The following HMGB1 variants were observed in gnomAD, a reference collection of about 807,000 sequenced individuals.
HMGB1 encodes the protein high mobility group protein B1.
For synonymous variants in HMGB1, 81 were observed against 84.0 expected, an observed-to-expected ratio of 0.96 and a Z score of 0.19; for missense variants, 79 against 253.5, an observed-to-expected ratio of 0.31 and a Z score of 4.67.
At chr13:30,489,472 T>G (rs1887435457) in intron 1 of HMGB1, among the ~76,000 whole-genome samples, 1 of 152,236 alleles carries the variant, frequency 6.6e-6, no homozygotes, top group South Asian at 2.1e-4. Context: ...AAATACAGCA[T>G]GTGTAAGTGG....
chr13:30,573,431 A>G (rs1452423647), intron 1 of HMGB1, among the ~76,000 whole-genome samples: 1 of 152,240 alleles, frequency 6.6e-6, no homozygotes, highest in Non-Finnish European at 1.5e-5. Flanking sequence ...AAATGAGAGA[A>G]TTGTTTCAAA....
intron 1 of HMGB1, among the ~76,000 whole-genome samples, chr13:30,492,397 T>C (rs1050512487): frequency 1.3e-4 from 19 of 151,666 alleles, no homozygotes; most frequent in African/African-American, 4.6e-4. Flanking sequence ...TTGCAATACA[T>C]ATAATGGACT....
chr13:30,520,619 C>CAATA (rs1290445163), intron 1 of HMGB1, among the ~76,000 whole-genome samples: 1 of 152,044 alleles, frequency 6.6e-6, no homozygotes, highest in Non-Finnish European at 1.5e-5. Context: ...GACTCCGTCT[C>CAATA]AATAAATAAA....
intron 1 of HMGB1, among the ~76,000 whole-genome samples, chr13:30,612,947 G>C (rs4454818): frequency 0.03 from 4,527 of 152,292 alleles, 246 homozygotes; most frequent in African/African-American, 0.1. Flanking sequence ...AGATCTGCTA[G>C]AGCTACATGT....
At chr13:30,576,371 T>G (rs1275242817) in intron 1 of HMGB1, among the ~76,000 whole-genome samples, 1 of 151,164 alleles carries the variant, frequency 6.6e-6, no homozygotes, top group Non-Finnish European at 1.5e-5. Flanking sequence ...TCATCTCTTT[T>G]GGTCCTACTG....
intron 1 of HMGB1, among the ~76,000 whole-genome samples, chr13:30,594,953 G>A (rs1036962678): frequency 1.3e-5 from 2 of 152,150 alleles, no homozygotes; most frequent in African/African-American, 4.8e-5. Context: ...GCATCCAAAT[G>A]AGACAAAATC....
intron 1 of HMGB1, among the ~76,000 whole-genome samples, chr13:30,553,161 T>C (rs1373799887): frequency 6.6e-5 from 10 of 152,210 alleles, no homozygotes. Flanking sequence ...GTAGCAGATA[T>C]TCATAATGGT....
chr13:30,597,315 C>G (rs1198952828), intron 1 of HMGB1, among the ~76,000 whole-genome samples: 2 of 152,138 alleles, frequency 1.3e-5, no homozygotes, highest in Non-Finnish European at 2.9e-5. Context: ...ATCTACAAGC[C>G]AAGGGACACC....
At chr13:30,586,685 C>T (rs1217024148) in intron 1 of HMGB1, among the ~76,000 whole-genome samples, 1 of 151,824 alleles carries the variant, frequency 6.6e-6, no homozygotes, top group East Asian at 1.9e-4. Context: ...GGGGTTTCAC[C>T]ATGTGTCCAG....
chr13:30,512,307 G>A (rs139975381), intron 1 of HMGB1, among the ~76,000 whole-genome samples: 7 of 152,294 alleles, frequency 4.6e-5, no homozygotes, highest in African/African-American at 1.4e-4. Flanking sequence ...AGGGAGCAGA[G>A]GCAAACACTG....
intron 1 of HMGB1, among the ~76,000 whole-genome samples, chr13:30,527,296 G>C (rs944693991): frequency 6.6e-6 from 1 of 152,218 alleles, no homozygotes; most frequent in Admixed American, 6.5e-5. Flanking sequence ...AAACTTCAGG[G>C]AGAAGCTGGC....
At chr13:30,592,150 A>T (rs990177053) in intron 1 of HMGB1, among the ~76,000 whole-genome samples, 1 of 148,470 alleles carries the variant, frequency 6.7e-6, no homozygotes, top group Admixed American at 6.6e-5. Flanking sequence ...TTGTCAATAT[A>T]GAATAATATC....
At chr13:30,497,369 G>T (rs1423770076) in intron 1 of HMGB1, among the ~76,000 whole-genome samples, 1 of 151,712 alleles carries the variant, frequency 6.6e-6, no homozygotes, top group African/African-American at 2.4e-5. Context: ...TGGGATTACA[G>T]GTGCCTGCCA....
In HMGB1 at chr13:30,578,365, G is replaced by GTTTTTT. The variant is rs1475312645; in HGVS notation, c.-15+38305_-15+38306insAAAAAA. On this transcript the variant is annotated intron_variant, in intron 1 of 4. Coordinates refer to the HMGB1 transcript ENST00000405805. ...AACTCAAGATCAGAGACCAGTTCTTGTTCTTTTTTTTTTTTTTTTTTTTTT... is the reference window on the plus strand; with the variant it reads ...AACTCAAGATCAGAGACCAGTTCTTGTTTTTTTTCTTTTTTTTTTTTTTTTTTTTTT... 2.0e-3 allele frequency among the ~76,000 whole-genome samples: 133 copies of GTTTTTT among 67,066 alleles called. 2 individuals are homozygous for GTTTTTT. The highest frequency in any genetic ancestry group is 9.3e-3 in the Middle Eastern group (1 of 108). 44.0% of individuals were successfully genotyped at this position (67,066 alleles called of 152,430 possible).
intron 1 of HMGB1, among the ~76,000 whole-genome samples, chr13:30,534,423 T>C (rs761702356): frequency 1.0e-4 from 15 of 144,890 alleles, no homozygotes; most frequent in African/African-American, 2.8e-4. Flanking sequence ...TTGTATAGCT[T>C]GATCATTAAA....
chr13:30,461,767 A>C, intron 4 of HMGB1: 3 of 1,000,092 alleles, frequency 3.0e-6, no homozygotes, highest in Non-Finnish European at 4.5e-6. Context: ...AATATTTGCA[A>C]AGTTATGCCT....
chr13:30,498,778 G>A (rs574396590), intron 1 of HMGB1, among the ~76,000 whole-genome samples: 1 of 151,662 alleles, frequency 6.6e-6, no homozygotes, highest in Admixed American at 6.6e-5. Context: ...CTCCCGAGTA[G>A]CTGGGACTAC....
chr13:30,583,839 A>AAAAGAAAGAAAGAAAGAAAG (rs753686706), intron 1 of HMGB1, among the ~76,000 whole-genome samples: 28 of 137,716 alleles, frequency 2.0e-4, no homozygotes, highest in African/African-American at 7.5e-4. Flanking sequence ...AAAAAAAAAA[A>AAAAGAAAGAAAGAAAGAAAG]AAAGAAAGAA....
rs146456559 is a variant in HMGB1, at chr13:30,549,331, G to A, written c.-15+67340C>T. 8.2e-3 allele frequency among the ~76,000 whole-genome samples: 1,254 copies of A among 152,266 alleles called. 7 individuals carry two copies. Among genetic ancestry groups the A allele is most frequent in the Non-Finnish European group, 0.013 (859 of 68,020 alleles). ...CTGACCAGATTGGGGCAGCATCTCT[G>A]TATTTGACAGATTCTAAAACAACAA... On this transcript the variant is annotated intron_variant, in intron 1 of 4. Transcript: ENST00000405805.
Sources: allele counts gnomAD v4.1 joint callset (sites outside exome capture counted in the v4.1 genomes callset), GRCh38; gene constraint gnomAD v4.1.1; transcripts MANE v1.5; gene names NCBI Gene and HGNC (gene_info 2026-07-23, HGNC 2026-07-21).